Variants in CIB1 observed in about 807,000 individuals in gnomAD.
CIB1 encodes calcium and integrin binding 1.
A neutral mutation model predicts 25.0 loss-of-function variants in CIB1; 19 were observed. The ratio of observed to expected loss-of-function variants is 0.76; its 90% CI spans 0.53 to 1.12. The LOEUF is 1.12. Among genes scored for constraint, CIB1 ranks in the 50% most tolerant of loss-of-function variants. The pLI is 0.00. For missense variants in CIB1, 236 were observed against 242.6 expected (o/e 0.97, Z 0.18); for synonymous variants, 104 against 98.5 (o/e 1.06, Z -0.33).
chr15:90,249,500 T>TC, the CIB1 span: 1 of 151,610 alleles, frequency 6.6e-6, no homozygotes, highest in Non-Finnish European at 1.5e-5. Context: ...CCAGGACGCT[T>TC]CTCCAATGGG....
the CIB1 span, among the ~76,000 whole-genome samples, chr15:90,249,149 T>C: frequency 1.4e-5 from 2 of 140,700 alleles, no homozygotes; most frequent in African/African-American, 5.4e-5. Context: ...AGGTCCAGGC[T>C]GCAGTGAGCT....
the CIB1 span, among the ~76,000 whole-genome samples, chr15:90,256,450 C>T: frequency 1.3e-5 from 2 of 152,194 alleles, no homozygotes; most frequent in Non-Finnish European, 2.9e-5. Flanking sequence ...TGGTTCAGAA[C>T]CAGCCTGCCT....
the CIB1 span, chr15:90,264,725 C>G: frequency 8.5e-6 from 13 of 1,535,902 alleles, no homozygotes; most frequent in South Asian, 1.3e-4. Flanking sequence ...TGCAGAAGGA[C>G]AAGCCAGCAG....
chr15:90,242,431 CTTTT>C, the CIB1 span: 36 of 65,516 alleles, frequency 5.5e-4, no homozygotes, highest in African/African-American at 1.0e-3. Context: ...TTTTCTGTTT[CTTTT>C]TTTTTTTTTT....
chr15:90,256,385 C>T, the CIB1 span: 14 of 1,541,854 alleles, frequency 9.1e-6, no homozygotes, highest in African/African-American at 1.9e-4. Context: ...GGAAGCTGGT[C>T]TTAGGCTTCT....
At chr15:90,254,863 A>G in the CIB1 span, among the ~76,000 whole-genome samples, 15 of 152,184 alleles carry the variant, frequency 9.9e-5, no homozygotes, top group African/African-American at 3.6e-4. Context: ...GGGGAAAAAA[A>G]AAGGATAAGG....
the CIB1 span, among the ~76,000 whole-genome samples, chr15:90,261,075 CTTG>C: frequency 6.0e-5 from 9 of 150,010 alleles, no homozygotes; most frequent in East Asian, 1.8e-3. Flanking sequence ...ACCTTTTTTT[CTTG>C]TTTTCTTTTT....
chr15:90,258,349 C>G, the CIB1 span: 4 of 1,259,984 alleles, frequency 3.2e-6, no homozygotes, highest in Non-Finnish European at 4.6e-6. Flanking sequence ...GGGGTACACT[C>G]AGGTGGTGGA....
At chr15:90,265,706 C>G in the CIB1 span, 60 of 1,613,042 alleles carry the variant, frequency 3.7e-5, no homozygotes, top group Non-Finnish European at 5.1e-5. Flanking sequence ...GGCTGGTTTG[C>G]GTCGACATGG....
chr15:90,232,146 TG>T, intron 3 of CIB1, 72 bp downstream of exon 3: 1 of 1,181,014 alleles, frequency 8.5e-7, no homozygotes, highest in Non-Finnish European at 1.2e-6. Flanking sequence ...CCAAAGCTAG[TG>T]GCAGATGGAG....
chr15:90,240,828 A>G, the CIB1 span: 1 of 986,304 alleles, frequency 1.0e-6, no homozygotes, highest in Admixed American at 2.4e-5. Flanking sequence ...AAAAAAATAA[A>G]TAAATAAATA....
the CIB1 span, chr15:90,240,860 G>A: frequency 8.1e-7 from 1 of 1,241,712 alleles, no homozygotes; most frequent in Non-Finnish European, 1.2e-6. Context: ...TCTGGAGGTG[G>A]GTTACCATCA....
chr15:90,265,443 G>A, the CIB1 span: 2 of 1,327,998 alleles, frequency 1.5e-6, no homozygotes, highest in Non-Finnish European at 1.9e-6. Flanking sequence ...CTTGGAAACG[G>A]AATCCGTACT....
At chr15:90,248,046 T>C in the CIB1 span, among the ~76,000 whole-genome samples, 1 of 151,766 alleles carries the variant, frequency 6.6e-6, no homozygotes, top group South Asian at 2.1e-4. Flanking sequence ...CGGCCAGATA[T>C]TTGTTTTTTT....
In CIB1 at chr15:90,233,440, AC is replaced by A. The variant is rs561512491; in HGVS notation, c.86+228del. On this transcript the variant is annotated intron_variant, in intron 2 of 6. Transcript: ENST00000328649. ...GGAGCCCAGGGTCAAAGAGCGCCTA[AC>A]TTTTCCTGGAGGCTGTAAGGTGGCT... Among the ~76,000 whole-genome samples, 448 of 152,300 alleles carry A rather than the reference AC, an allele frequency of 2.9e-3. 3 individuals are homozygous for A. The highest frequency in any genetic ancestry group is 0.017 in the Middle Eastern group (5 of 294).
At chr15:90,257,907 C>A in the CIB1 span, 2 of 973,942 alleles carry the variant, frequency 2.1e-6, no homozygotes, top group Non-Finnish European at 3.1e-6. Flanking sequence ...GATAACTAGT[C>A]CCTGCTCCAA....
the CIB1 span, chr15:90,245,292 T>G: frequency 1.3e-5 from 2 of 152,114 alleles, no homozygotes; most frequent in African/African-American, 4.8e-5. Context: ...CTGGCCAACA[T>G]GGTGAAACCC....
the CIB1 span, chr15:90,258,718 G>T: frequency 6.2e-7 from 1 of 1,601,324 alleles, no homozygotes; most frequent in Non-Finnish European, 8.6e-7. Context: ...CTGGGAAAGG[G>T]GTGTATAATG....
upstream of CIB1, chr15:90,234,167 GA>G (rs539479982): frequency 1.6e-5 from 3 of 185,846 alleles, no homozygotes; most frequent in Non-Finnish European, 2.6e-5. Flanking sequence ...TCCGGGGTGG[GA>G]GGGGGGGGCG....
Sources: allele counts gnomAD v4.1 joint callset (sites outside exome capture counted in the v4.1 genomes callset), GRCh38; gene constraint gnomAD v4.1.1; transcripts MANE v1.5; gene names NCBI Gene and HGNC (gene_info 2026-07-23, HGNC 2026-07-21).